Variants in TRPM5 observed in about 807,000 individuals in gnomAD.
TRPM5 encodes the protein MLSN1 and TRP-related.
In TRPM5, 121 loss-of-function variants were observed where a neutral mutation model predicts 124.9. The ratio of observed to expected loss-of-function variants is 0.97; its 90% CI spans 0.84 to 1.13. The LOEUF (loss-of-function observed/expected upper bound fraction) is 1.13, where lower values mean the gene tolerates loss of function less well. Ranked by LOEUF, TRPM5 falls within the 50% of genes most tolerant of loss-of-function variation. The pLI, the probability that TRPM5 is intolerant of heterozygous loss-of-function variation, is 0.00. For synonymous variants in TRPM5, 781 were observed against 700.5 expected (o/e 1.11, Z -1.81); for missense variants, 1,643 against 1,589.1 (o/e 1.03, Z -0.58).
chr11:2,414,009 G>GACCCCCCCCCCC, intron 12 of TRPM5, 52 bp downstream of exon 17: 1 of 1,023,734 alleles, frequency 9.8e-7, no homozygotes, highest in Non-Finnish European at 1.4e-6. Context: ...GGCCCAGCTC[G>GACCCCCCCCCCC]CCCGCCCACC....
chr11:2,414,016 C>A lies in TRPM5; in HGVS notation c.1890+45G>T. On this transcript the variant is annotated intron_variant, in intron 12 of 23. Transcript: ENST00000155858. Reference sequence around the variant, plus strand: ...TCAAGCTGGGCCCAGCTCGCCCGCCCACCCCACCCCCTGGCAGCTCTCCTC... The same window carrying A: ...TCAAGCTGGGCCCAGCTCGCCCGCCAACCCCACCCCCTGGCAGCTCTCCTC... The A allele has an allele frequency of 3.2e-6, 4 of 1,259,546 alleles. No individual in the cohort carries two copies. The South Asian group carries it at 3.9e-5, about 12-fold the overall frequency. 78.0% of individuals were successfully genotyped at this position (1,259,546 alleles called of 1,614,324 possible). A position where few individuals can be genotyped will look rare whatever the true frequency, so the allele number is the denominator to read the frequency against.
At chr11:2,420,304 G>A (rs1010711312) in exon 4 of TRPM5, 1 of 1,612,540 alleles carries the variant, frequency 6.2e-7, no homozygotes, top group Non-Finnish European at 8.5e-7. Flanking sequence ...TCCCCGGGGG[G>A]CCTGGCTCCA....
At chr11:2,407,352 G>A in intron 19 of TRPM5, 52 bp from the exon 25 acceptor site, 1 of 1,543,424 alleles carries the variant, frequency 6.5e-7, no homozygotes, top group African/African-American at 1.4e-5. Flanking sequence ...GACCACTTGG[G>A]GGACGCATCC....
At chr11:2,437,434 T>A in the TRPM5 span, among the ~76,000 whole-genome samples, 1 of 152,178 alleles carries the variant, frequency 6.6e-6, no homozygotes, top group Non-Finnish European at 1.5e-5. The surrounding 1 kb of genome is among the most constrained non-coding windows in gnomAD (Gnocchi z 5.6). Context: ...TGAAGGTGTG[T>A]CTGTCCTGCA....
intron 8 of TRPM5, 105 bp from the exon 14 acceptor site, chr11:2,415,576 C>A: frequency 1.2e-6 from 1 of 801,448 alleles, no homozygotes. Context: ...GGATCCATCC[C>A]CAGGGCCAGG....
chr11:2,412,106 A>T (rs770961795), intron 16 of TRPM5, 29 bp downstream of exon 21: 7 of 1,587,366 alleles, frequency 4.4e-6, no homozygotes, highest in Non-Finnish European at 6.1e-6. Flanking sequence ...AGCCGCCCTG[A>T]GGCCACACGG....
At chr11:2,434,910 C>A in the TRPM5 span, among the ~76,000 whole-genome samples, 8 of 152,202 alleles carry the variant, frequency 5.3e-5, no homozygotes, top group South Asian at 1.7e-3. Context: ...ATGAACTCAA[C>A]CATCCGATCA....
chr11:2,412,000 CAA>C (rs1775146999), intron 16 of TRPM5, 133 bp downstream of exon 21: 19 of 928,704 alleles, frequency 2.0e-5, no homozygotes, highest in Non-Finnish European at 3.2e-5. Context: ...TTCCCTGGCT[CAA>C]GTGACCCACC....
intron 21 of TRPM5, 69 bp from the exon 27 acceptor site, chr11:2,406,160 T>A: frequency 6.5e-7 from 1 of 1,535,506 alleles, no homozygotes; most frequent in South Asian, 1.1e-5. Context: ...AGCCTCCCCA[T>A]CCCCCCAGGC....
Position 2,422,912 on chromosome 11 carries a change from G to C in TRPM5, c.117+8C>G. 6.2e-7 allele frequency: 1 copy of C among 1,610,782 alleles called. No individual in the cohort carries two copies. Among genetic ancestry groups the C allele is most frequent in the South Asian group, 1.1e-5 (1 of 91,028 alleles). On this transcript the variant is annotated splice_region_variant and intron_variant, in intron 1 of 23. Coordinates refer to ENST00000155858, the Ensembl canonical transcript of TRPM5. ...GGACATCACCTGAGGCCTGGGGCCT[G>C]CCCTTACCTTGCCTCGCTTCTTCCC...
chr11:2,413,457 G>T lies in TRPM5; in HGVS notation c.2003+19C>A. Reference sequence around the variant, plus strand: ...CACTGCTGCCTGTCCTGGCCGGGCAGCTCACAGGCCTCACCCACCTGAAGG... The same window carrying T: ...CACTGCTGCCTGTCCTGGCCGGGCATCTCACAGGCCTCACCCACCTGAAGG... On this transcript the variant is annotated intron_variant, in intron 13 of 23. Coordinates refer to ENST00000155858, the Ensembl canonical transcript of TRPM5. 6.3e-7 allele frequency: 1 copy of T among 1,595,784 alleles called. No homozygotes were observed. Among genetic ancestry groups the T allele is most frequent in the African/African-American group, 1.3e-5 (1 of 74,480 alleles).
At position 2,413,267 on chromosome 11, in the gene TRPM5, C is replaced by T. The variant is rs780286211; in HGVS notation, c.2004-41G>A. On this transcript the variant is annotated intron_variant, in intron 13 of 23. Coordinates refer to ENST00000155858, the Ensembl canonical transcript of TRPM5. Reference sequence around the variant, plus strand: ...AGCTCAGGGCCCGCAGGAAGGGCTCCCAGAGGCGCCTGCCTGGCTCCAGGC... The same window carrying T: ...AGCTCAGGGCCCGCAGGAAGGGCTCTCAGAGGCGCCTGCCTGGCTCCAGGC... The T allele has an allele frequency of 3.4e-5, 51 of 1,493,502 alleles. 1 individual carries two copies. The South Asian group carries it at 5.8e-4, about 17-fold the overall frequency. The allele number at this position is 1,493,502 out of a possible 1,614,324, so 92.5% of individuals were successfully genotyped here.
Position 2,420,202 on chromosome 11 carries a change from G to C in TRPM5, c.649+20C>G, listed in dbSNP as rs776244693. 1.3e-6 allele frequency: 2 copies of C among 1,573,052 alleles called. No homozygotes were observed. The highest frequency in any genetic ancestry group is 1.7e-6 in the Non-Finnish European group (2 of 1,164,924). On this transcript the variant is annotated intron_variant, in intron 4 of 23. Coordinates refer to ENST00000155858, the Ensembl canonical transcript of TRPM5. ...CCACTGGGTCCCAAGGCTTCCCTGG[G>C]TGGCTGGGGCGGGTCTCACCCCCGT...
In TRPM5 at chr11:2,412,827, G is replaced by A. The variant is rs556364904; in HGVS notation, c.2282C>T (p.Pro761Leu). 2.2e-4 allele frequency: 348 copies of A among 1,604,564 alleles called. No individual in the cohort carries two copies. In the South Asian group the frequency reaches 2.8e-3, roughly 13 times the overall value. Residue 761 changes from proline (P) to leucine (L), a missense_variant, in exon 15 of 24, where the codon CCC becomes CTC. Transcript: ENST00000155858. ...GACCTCGGGCCCTGAGGGGCCCTGGGGGGGCGGCCTGAAGTCCACCAGCAG... is the reference window on the plus strand; with the variant it reads ...GACCTCGGGCCCTGAGGGGCCCTGGAGGGGCGGCCTGAAGTCCACCAGCAG...
intron 18 of TRPM5, among the ~76,000 whole-genome samples, chr11:2,408,253 G>A (rs906197211): frequency 2.0e-5 from 3 of 152,116 alleles, no homozygotes; most frequent in African/African-American, 4.8e-5. Context: ...GAGGGGTCAC[G>A]GGACCCAGGT....
intron 18 of TRPM5, among the ~76,000 whole-genome samples, chr11:2,408,307 G>GA (rs1038838294): frequency 6.6e-6 from 1 of 152,082 alleles, no homozygotes; most frequent in African/African-American, 2.4e-5. Context: ...CCCCTCCTCC[G>GA]AAAAAAGCCT....
At chr11:2,427,523 A>T (rs940890082), upstream of TRPM5, among the ~76,000 whole-genome samples, 3 of 152,050 alleles carry the variant, frequency 2.0e-5, no homozygotes, top group Non-Finnish European at 4.4e-5. Context: ...GCACCACCTC[A>T]CCTGCTCCAC....
chr11:2,419,227 C>T (rs572185819), intron 4 of TRPM5, among the ~76,000 whole-genome samples: 175 of 152,234 alleles, frequency 1.1e-3, no homozygotes, highest in African/African-American at 4.0e-3. Flanking sequence ...AAACGGTGCC[C>T]GGGCCAGCAG....
intron 7 of TRPM5, among the ~76,000 whole-genome samples, chr11:2,416,283 A>G (rs1845676040): frequency 1.3e-5 from 2 of 152,206 alleles, no homozygotes; most frequent in Non-Finnish European, 2.9e-5. Context: ...CTCGGCTGCA[A>G]CGGGGGTACC....
Sources: allele counts gnomAD v4.1 joint callset (sites outside exome capture counted in the v4.1 genomes callset), GRCh38; gene constraint gnomAD v4.1.1; non-coding constraint Gnocchi (gnomAD v3.1); transcripts MANE v1.5; gene names NCBI Gene and HGNC (gene_info 2026-07-23, HGNC 2026-07-21).